The following SYNPR variants were observed in gnomAD, a reference collection of about 807,000 sequenced individuals.
The protein encoded by SYNPR is synaptoporin.
In SYNPR, 23 loss-of-function variants were observed where a neutral mutation model predicts 32.9. The ratio of observed to expected loss-of-function variants is 0.70; its 90% CI spans 0.50 to 0.99. The LOEUF (loss-of-function observed/expected upper bound fraction) is 0.99, where lower values mean the gene tolerates loss of function less well. SYNPR is among the 50% of genes least tolerant of loss of function. The probability of loss-of-function intolerance (pLI) is 0.00; values close to 1 mark genes in which losing one functional copy is unlikely to be tolerated. For missense variants in SYNPR, 318 were observed against 349.3 expected (o/e 0.91, Z 0.71); for synonymous variants, 146 against 135.9 (o/e 1.07, Z -0.52).
At chr3:63,361,654 G>A (rs1049082315) in intron 2 of SYNPR, among the ~76,000 whole-genome samples, 1 of 151,418 alleles carries the variant, frequency 6.6e-6, no homozygotes. Flanking sequence ...CAGGTGTTCA[G>A]TTTATATTAC....
upstream of SYNPR, among the ~76,000 whole-genome samples, chr3:63,274,593 T>A (rs1217225100): frequency 3.3e-5 from 5 of 152,340 alleles, no homozygotes; most frequent in East Asian, 9.6e-4. Context: ...GCTGAATGTA[T>A]TTCTTACTAC....
intron 3 of SYNPR, among the ~76,000 whole-genome samples, chr3:63,537,314 C>T (rs767396738): frequency 1.3e-4 from 20 of 152,054 alleles, no homozygotes; most frequent in Non-Finnish European, 2.1e-4. Flanking sequence ...CAACCCCTTT[C>T]GTGCCCTGCA....
chr3:63,476,091 G>A (rs1305286436), intron 2 of SYNPR, among the ~76,000 whole-genome samples: 1 of 143,140 alleles, frequency 7.0e-6, no homozygotes, highest in African/African-American at 2.6e-5. Flanking sequence ...AGGAAGGGAG[G>A]GAGGGAGGAA....
intron 3 of SYNPR, among the ~76,000 whole-genome samples, chr3:63,498,458 T>A (rs1349426562): frequency 6.6e-6 from 1 of 152,054 alleles, no homozygotes; most frequent in Admixed American, 6.5e-5. Flanking sequence ...CAAGACTGTG[T>A]CAGATTAAAA....
chr3:63,452,314 T>C (rs761204681), intron 2 of SYNPR, among the ~76,000 whole-genome samples: 1 of 152,142 alleles, frequency 6.6e-6, no homozygotes, highest in Non-Finnish European at 1.5e-5. Flanking sequence ...CAAAAGTGAT[T>C]TAATTATCAT....
At chr3:63,204,308 A>G in the SYNPR span, among the ~76,000 whole-genome samples, 1 of 152,176 alleles carries the variant, frequency 6.6e-6, no homozygotes, top group South Asian at 2.1e-4. Flanking sequence ...TGCCTCTTCC[A>G]GCATCCCCAG....
At chr3:63,495,412 T>G (rs1018571425) in intron 3 of SYNPR, among the ~76,000 whole-genome samples, 1 of 152,214 alleles carries the variant, frequency 6.6e-6, no homozygotes, top group Non-Finnish European at 1.5e-5. Flanking sequence ...TTATCATCTC[T>G]TTAGGCTTAA....
At chr3:63,345,586 A>C (rs1575604980) in intron 2 of SYNPR, among the ~76,000 whole-genome samples, 1 of 152,024 alleles carries the variant, frequency 6.6e-6, no homozygotes, top group South Asian at 2.1e-4. Context: ...AGAAGCTGGG[A>C]CCTCACTTTC....
intron 3 of SYNPR, among the ~76,000 whole-genome samples, chr3:63,516,560 A>C (rs1352261475): frequency 6.6e-6 from 1 of 152,154 alleles, no homozygotes; most frequent in Non-Finnish European, 1.5e-5. Context: ...ACCTCTCAAC[A>C]ACCTTGTAAG....
At chr3:63,318,040 T>C (rs577281923) in intron 2 of SYNPR, among the ~76,000 whole-genome samples, 6 of 152,092 alleles carry the variant, frequency 3.9e-5, no homozygotes, top group Non-Finnish European at 1.5e-5. Context: ...TACAAAATTA[T>C]TGACTGAAAA....
intron 3 of SYNPR, among the ~76,000 whole-genome samples, chr3:63,530,299 T>C (rs915836433): frequency 1.3e-5 from 2 of 152,146 alleles, no homozygotes; most frequent in Non-Finnish European, 2.9e-5. Context: ...CTGGCAGTCA[T>C]GGCCGGCTGT....
intron 3 of SYNPR, among the ~76,000 whole-genome samples, chr3:63,492,926 G>A (rs1701282809): frequency 6.6e-6 from 1 of 152,082 alleles, no homozygotes; most frequent in Non-Finnish European, 1.5e-5. Flanking sequence ...AAAAAATCCA[G>A]CTGTAGTGAC....
chr3:63,596,427 A>G (rs1699960479), intron 4 of SYNPR, among the ~76,000 whole-genome samples: 1 of 147,326 alleles, frequency 6.8e-6, no homozygotes, highest in African/African-American at 2.5e-5. Context: ...TCCTTATTTC[A>G]TCATCTACCA....
chr3:63,483,281 G>A (rs1559512898), intron 3 of SYNPR, among the ~76,000 whole-genome samples: 1 of 152,102 alleles, frequency 6.6e-6, no homozygotes, highest in Non-Finnish European at 1.5e-5. Context: ...ATATGTCCTA[G>A]GCAGAAGTTT....
intron 4 of SYNPR, among the ~76,000 whole-genome samples, chr3:63,599,823 T>C (rs1007858649): frequency 6.6e-6 from 1 of 152,210 alleles, no homozygotes; most frequent in African/African-American, 2.4e-5. Context: ...GCTATATTGG[T>C]TTAACATTTA....
chr3:63,415,251 T>C (rs553959489), intron 2 of SYNPR, among the ~76,000 whole-genome samples: 13 of 152,340 alleles, frequency 8.5e-5, no homozygotes, highest in African/African-American at 3.1e-4. Flanking sequence ...AACAACAGCA[T>C]GCTGGTAGCT....
At chr3:63,366,138 T>G (rs76462760) in intron 2 of SYNPR, among the ~76,000 whole-genome samples, 1 of 152,352 alleles carries the variant, frequency 6.6e-6, no homozygotes, top group African/African-American at 2.4e-5. Context: ...AGAATCTTAA[T>G]TAGCTTTAAT....
chr3:63,451,717 T>C (rs556557322), intron 2 of SYNPR, among the ~76,000 whole-genome samples: 37 of 152,208 alleles, frequency 2.4e-4, no homozygotes, highest in African/African-American at 8.9e-4. Flanking sequence ...AAGTCATAAT[T>C]TTCTCCCCAA....
At chr3:63,336,216 A>G (rs1021546503) in intron 2 of SYNPR, among the ~76,000 whole-genome samples, 5 of 152,080 alleles carry the variant, frequency 3.3e-5, no homozygotes, top group African/African-American at 1.2e-4. Context: ...AGTATGTATA[A>G]TATTTTCTAG....
Sources: gnomAD v4.1 joint callset for allele counts (sites outside exome capture counted in the v4.1 genomes callset) on GRCh38, gnomAD v4.1.1 for gene constraint, MANE v1.5 for transcripts, NCBI Gene and HGNC (gene_info 2026-07-23, HGNC 2026-07-21) for gene names.